The following SNTG1 variants were observed in gnomAD, a reference collection of about 807,000 sequenced individuals.
SNTG1 encodes gamma-1-syntrophin.
A neutral mutation model predicts 74.7 loss-of-function variants in SNTG1; 39 were observed. The observed-to-expected ratio is 0.52, with a 90% CI of 0.40 to 0.68. The LOEUF (loss-of-function observed/expected upper bound fraction) is 0.68, where lower values mean the gene tolerates loss of function less well. Among genes scored for constraint, SNTG1 ranks in the 30% least tolerant of loss-of-function variants. The pLI is 0.00. For missense variants in SNTG1, 685 were observed against 609.5 expected (o/e 1.12, Z -1.30); for synonymous variants, 254 against 217.1 (o/e 1.17, Z -1.49).
At position 50,501,309 on chromosome 8, in the gene SNTG1, A is replaced by G. The variant is rs566247726; in HGVS notation, c.364-1469A>G. On this transcript the variant is annotated intron_variant, in intron 8 of 18. Transcript: ENST00000642720. ...TGTCCAGTGCTGGCCTGAGACCCCAATCAGATTTTCCTTCTCCTTCTGTCT... is the reference window on the plus strand; with the variant it reads ...TGTCCAGTGCTGGCCTGAGACCCCAGTCAGATTTTCCTTCTCCTTCTGTCT... Among the ~76,000 whole-genome samples, 4 of 151,374 alleles carry G rather than the reference A, an allele frequency of 2.6e-5. No homozygotes were observed. In the East Asian group the frequency reaches 5.8e-4, roughly 22 times the overall value.
intron 1 of SNTG1, among the ~76,000 whole-genome samples, chr8:49,959,615 C>T (rs148421041): frequency 4.6e-5 from 7 of 152,302 alleles, no homozygotes; most frequent in East Asian, 1.9e-4. Flanking sequence ...TTGTGTAGCA[C>T]GTGTCAATAC....
intron 1 of SNTG1, among the ~76,000 whole-genome samples, chr8:50,084,176 A>G (rs1822660425): frequency 6.6e-6 from 1 of 152,170 alleles, no homozygotes; most frequent in South Asian, 2.1e-4. Flanking sequence ...TAAACTGTAA[A>G]ACTGGCCAGG....
Position 50,300,857 on chromosome 8 carries a change from C to T in SNTG1, c.-27-93355C>T, listed in dbSNP as rs116058071. On this transcript the variant is annotated intron_variant, in intron 2 of 18. Transcript: ENST00000642720. The stretch of plus-strand genomic sequence containing the variant: ...TGTTAGATATAGACTTTTCAGTTGA[C>T]GTTTTTATTTTCTTTTAACACTTTA... Among the ~76,000 whole-genome samples the T allele has an allele frequency of 4.8e-3, 734 of 152,180 alleles. 12 individuals are homozygous for T. Among genetic ancestry groups the T allele is most frequent in the African/African-American group, 0.017 (692 of 41,552 alleles).
At chr8:50,500,859 G>T (rs1049804204) in intron 8 of SNTG1, among the ~76,000 whole-genome samples, 1 of 152,120 alleles carries the variant, frequency 6.6e-6, no homozygotes, top group South Asian at 2.1e-4. Flanking sequence ...GGTTATGGAG[G>T]GTTCCTCCCT....
chr8:50,226,992 G>C (rs2085360762), intron 2 of SNTG1, among the ~76,000 whole-genome samples: 1 of 152,196 alleles, frequency 6.6e-6, no homozygotes, highest in Non-Finnish European at 1.5e-5. Context: ...GGGAAAGTTT[G>C]ATTTCAGCAC....
intron 4 of SNTG1, among the ~76,000 whole-genome samples, chr8:50,425,401 G>A (rs1409306513): frequency 1.3e-5 from 2 of 152,064 alleles, no homozygotes; most frequent in African/African-American, 2.4e-5. Context: ...CAGGGATCTA[G>A]GTTGTGCACT....
At chr8:50,026,738 C>T (rs889323032) in intron 1 of SNTG1, among the ~76,000 whole-genome samples, 1 of 151,888 alleles carries the variant, frequency 6.6e-6, no homozygotes, top group African/African-American at 2.4e-5. Flanking sequence ...ATTATCTTGC[C>T]CCCTTGAAAG....
chr8:49,984,349 G>A (rs1585769424), intron 1 of SNTG1, among the ~76,000 whole-genome samples: 1 of 151,948 alleles, frequency 6.6e-6, no homozygotes, highest in African/African-American at 2.4e-5. Flanking sequence ...GGGATTACAG[G>A]CATGTGTTAC....
intron 1 of SNTG1, among the ~76,000 whole-genome samples, chr8:50,032,014 T>C (rs1282311985): frequency 6.6e-6 from 1 of 152,178 alleles, no homozygotes; most frequent in Admixed American, 6.5e-5. Flanking sequence ...TTCAGTTGAA[T>C]TTTGTTAGTG....
chr8:50,513,590 T>C (rs2094104923), intron 9 of SNTG1, among the ~76,000 whole-genome samples: 2 of 152,234 alleles, frequency 1.3e-5, no homozygotes, highest in South Asian at 4.1e-4. Context: ...GGGTGCTTTG[T>C]CTACCTACTC....
intron 9 of SNTG1, among the ~76,000 whole-genome samples, chr8:50,521,711 A>G (rs2094181048): frequency 6.6e-6 from 1 of 152,198 alleles, no homozygotes. Context: ...CCATTTTATC[A>G]ACTAAGTTTA....
intron 18 of SNTG1, among the ~76,000 whole-genome samples, chr8:50,781,526 C>G (rs1035014850): frequency 6.6e-6 from 1 of 152,122 alleles, no homozygotes; most frequent in East Asian, 1.9e-4. Flanking sequence ...AGGATTGCAA[C>G]TGCTGCCTTT....
chr8:50,588,139 G>A (rs2094666066), intron 12 of SNTG1, among the ~76,000 whole-genome samples: 2 of 151,334 alleles, frequency 1.3e-5, no homozygotes, highest in South Asian at 2.1e-4. Flanking sequence ...AAAAATTGAA[G>A]ATATGAAATG....
At chr8:50,120,402 A>G (rs1169310082) in intron 1 of SNTG1, among the ~76,000 whole-genome samples, 1 of 139,282 alleles carries the variant, frequency 7.2e-6, no homozygotes, top group Admixed American at 7.5e-5. Flanking sequence ...CCACTACCAT[A>G]ACTACTACTA....
At chr8:50,314,333 G>A (rs1448643308) in intron 2 of SNTG1, among the ~76,000 whole-genome samples, 1 of 149,084 alleles carries the variant, frequency 6.7e-6, no homozygotes, top group East Asian at 2.0e-4. Context: ...ACATGCTTCA[G>A]TGTAGCTATT....
intron 15 of SNTG1, among the ~76,000 whole-genome samples, chr8:50,669,356 G>A (rs977384828): frequency 1.3e-5 from 2 of 151,890 alleles, no homozygotes; most frequent in Admixed American, 6.6e-5. Context: ...TGATAAAGGG[G>A]ATATCACCAC....
chr8:50,222,085 TGGAG>T (rs1300090072), intron 2 of SNTG1, among the ~76,000 whole-genome samples: 21 of 151,818 alleles, frequency 1.4e-4, no homozygotes, highest in African/African-American at 5.1e-4. Flanking sequence ...AGTGGTTGAG[TGGAG>T]AGTTGCAGGC....
At chr8:50,489,748 T>C (rs1563464647) in intron 8 of SNTG1, among the ~76,000 whole-genome samples, 4 of 152,248 alleles carry the variant, frequency 2.6e-5, no homozygotes. Flanking sequence ...GATGATAGTT[T>C]CTTTGGCTGT....
rs1051184373 is a variant in SNTG1, at chr8:50,073,990, A to G, written c.-102-98571A>G. ...AGGGCCCTAGGATTTTCAGAATGGT[A>G]AGTGAACGTTAGCTTCAACTTAAAG... On this transcript the variant is annotated intron_variant, in intron 1 of 18. Transcript: ENST00000642720. 2.0e-5 allele frequency among the ~76,000 whole-genome samples: 3 copies of G among 150,468 alleles called. No individual in the cohort carries two copies. In the Admixed American group the frequency reaches 2.0e-4, roughly 10 times the overall value.
Sources: gnomAD v4.1 joint callset for allele counts (sites outside exome capture counted in the v4.1 genomes callset) on GRCh38, gnomAD v4.1.1 for gene constraint, MANE v1.5 for transcripts, NCBI Gene and HGNC (gene_info 2026-07-23, HGNC 2026-07-21) for gene names.